KCNG2: variants seen among roughly 807,000 people sequenced by gnomAD.
The protein encoded by KCNG2 is voltage-gated potassium channel regulatory subunit KCNG2.
Under a neutral mutation model 12.3 loss-of-function variants are expected in KCNG2, and 7 were observed. The ratio of observed to expected loss-of-function variants is 0.57; its 90% CI spans 0.32 to 1.07. KCNG2 has a LOEUF of 1.07. KCNG2 is among the 50% of genes least tolerant of loss of function. KCNG2 has a pLI of 0.04. For missense variants in KCNG2, 703 were observed against 726.0 expected, an observed-to-expected ratio of 0.97 and a Z score of 0.36; for synonymous variants, 414 against 351.4, an observed-to-expected ratio of 1.18 and a Z score of -1.99.
chr18:79,813,769 T>C (rs1271097821), intron 1 of KCNG2, among the ~76,000 whole-genome samples: 1 of 152,144 alleles, frequency 6.6e-6, no homozygotes, highest in Non-Finnish European at 1.5e-5. Flanking sequence ...CTCATCAAAA[T>C]TAAAAACTGC....
intron 3 of KCNG2, among the ~76,000 whole-genome samples, chr18:79,866,891 G>A (rs1389803152): frequency 6.7e-6 from 1 of 149,028 alleles, no homozygotes; most frequent in Non-Finnish European, 1.5e-5. Context: ...AGAGGTCCGT[G>A]TGCTGAGAGG....
In KCNG2 at chr18:79,825,096, A is replaced by G. The variant is rs372313714; in HGVS notation, c.-115+27082A>G. 6.1e-4 allele frequency among the ~76,000 whole-genome samples: 3 copies of G among 4,930 alleles called. No individual in the cohort carries two copies. The Non-Finnish European group carries it at 0.042, about 68-fold the overall frequency. 3.2% of individuals were successfully genotyped at this position (4,930 alleles called of 152,430 possible). A position where few individuals can be genotyped will look rare whatever the true frequency, so the allele number is the denominator to read the frequency against. On this transcript the variant is annotated intron_variant, in intron 1 of 3. Transcript: ENST00000316249. ...AAACCTGTCGGGGCTTAGTGCTTTGATAGGACAGTCAGTAGTAACTTTCTG... is the reference window on the plus strand; with the variant it reads ...AAACCTGTCGGGGCTTAGTGCTTTGGTAGGACAGTCAGTAGTAACTTTCTG...
intron 2 of KCNG2, among the ~76,000 whole-genome samples, chr18:79,862,376 G>A (rs11081570): frequency 0.35 from 53,672 of 152,118 alleles, 11,241 homozygotes; most frequent in Non-Finnish European, 0.45. Context: ...AGGGCAGCAA[G>A]TGGTGGGACA....
intron 3 of KCNG2, among the ~76,000 whole-genome samples, chr18:79,872,790 GTTGAGA>G (rs1336803934): frequency 6.6e-6 from 1 of 152,226 alleles, no homozygotes; most frequent in Non-Finnish European, 1.5e-5. Flanking sequence ...CTTCAAAGCT[GTTGAGA>G]TTAAGTTGAA....
chr18:79,848,866 G>T (rs1488060425), intron 1 of KCNG2, among the ~76,000 whole-genome samples: 3 of 152,208 alleles, frequency 2.0e-5, no homozygotes, highest in Non-Finnish European at 2.9e-5. Flanking sequence ...GCCCCGGGCA[G>T]GTGGCCTCAG....
chr18:79,862,063 G>A (rs1192519738), intron 2 of KCNG2, among the ~76,000 whole-genome samples: 1 of 152,130 alleles, frequency 6.6e-6, no homozygotes, highest in Non-Finnish European at 1.5e-5. Flanking sequence ...GCTCTTTGAA[G>A]ATATTAAATA....
At chr18:79,866,355 G>A (rs1265658219) in intron 3 of KCNG2, among the ~76,000 whole-genome samples, 1 of 103,780 alleles carries the variant, frequency 9.6e-6, no homozygotes, top group Non-Finnish European at 2.3e-5. Flanking sequence ...AGAGGTCTGT[G>A]TGCTGAGGTC....
intron 3 of KCNG2, among the ~76,000 whole-genome samples, chr18:79,868,392 G>A (rs1300138503): frequency 6.6e-6 from 1 of 151,924 alleles, no homozygotes; most frequent in Non-Finnish European, 1.5e-5. Context: ...CTGGTGACCC[G>A]TGTCCAAGCG....
chr18:79,802,328 A>C (rs1207979400), intron 1 of KCNG2, among the ~76,000 whole-genome samples: 1 of 152,162 alleles, frequency 6.6e-6, no homozygotes, highest in Non-Finnish European at 1.5e-5. Context: ...TGGAGCAGTG[A>C]AGGTCGGCTC....
chr18:79,846,677 G>A (rs894439373), intron 1 of KCNG2, among the ~76,000 whole-genome samples: 20 of 152,084 alleles, frequency 1.3e-4, no homozygotes, highest in Non-Finnish European at 2.2e-4. Context: ...AAATTCATTG[G>A]CACACTAAAT....
intron 3 of KCNG2, among the ~76,000 whole-genome samples, chr18:79,897,082 G>C (rs1981002509): frequency 1.3e-5 from 2 of 152,110 alleles, no homozygotes; most frequent in African/African-American, 4.8e-5. Flanking sequence ...ATCCTGCTGG[G>C]AGTTCATTGA....
intron 3 of KCNG2, among the ~76,000 whole-genome samples, chr18:79,892,435 A>G (rs1456599724): frequency 6.6e-6 from 1 of 152,238 alleles, no homozygotes; most frequent in African/African-American, 2.4e-5. Flanking sequence ...TTGAATCTAA[A>G]GTGTGTCTCC....
chr18:79,882,583 G>C (rs940168029), intron 3 of KCNG2, among the ~76,000 whole-genome samples: 2 of 152,258 alleles, frequency 1.3e-5, no homozygotes, highest in Non-Finnish European at 2.9e-5. Flanking sequence ...GCGCTGAACT[G>C]TTATTAGGGA....
chr18:79,798,886 C>T (rs1333066977), intron 1 of KCNG2, among the ~76,000 whole-genome samples: 1 of 152,338 alleles, frequency 6.6e-6, no homozygotes, highest in African/African-American at 2.4e-5. Flanking sequence ...GTCCCGGAGA[C>T]CCTGGGGCAT....
chr18:79,817,010 GGCTGCCACACGGTTGTCACGCA>G (rs1027147913), intron 1 of KCNG2, among the ~76,000 whole-genome samples: 1 of 151,970 alleles, frequency 6.6e-6, no homozygotes, highest in African/African-American at 2.4e-5. Flanking sequence ...GTTGTCACAC[GGCTGCCACACGGTTGTCACGCA>G]GCTGCCACAT....
chr18:79,838,246 A>G (rs1978360029), intron 1 of KCNG2, among the ~76,000 whole-genome samples: 5 of 152,210 alleles, frequency 3.3e-5, no homozygotes, highest in Admixed American at 2.6e-4. Context: ...TATCAAAAGT[A>G]TACCATAAAA....
At chr18:79,896,048 C>T (rs576832018) in intron 3 of KCNG2, among the ~76,000 whole-genome samples, 1 of 152,362 alleles carries the variant, frequency 6.6e-6, no homozygotes, top group Admixed American at 6.5e-5. Flanking sequence ...TCACTGCAGC[C>T]TCCACATCCT....
chr18:79,824,624 C>T (rs900280274), intron 1 of KCNG2, among the ~76,000 whole-genome samples: 1 of 152,168 alleles, frequency 6.6e-6, no homozygotes. Context: ...ATTAAGAGAG[C>T]GGCTTTAGAA....
At chr18:79,898,436 T>TGGGC (rs1568275965) in intron 3 of KCNG2, among the ~76,000 whole-genome samples, 1 of 152,184 alleles carries the variant, frequency 6.6e-6, no homozygotes, top group African/African-American at 2.4e-5. Flanking sequence ...GAGTGGGGAC[T>TGGGC]GGGCAGGAGG....
Sources: allele counts gnomAD v4.1 joint callset (sites outside exome capture counted in the v4.1 genomes callset), GRCh38; gene constraint gnomAD v4.1.1; transcripts MANE v1.5; gene names NCBI Gene and HGNC (gene_info 2026-07-23, HGNC 2026-07-21).